The following ADARB1 variants were observed in gnomAD, a reference collection of about 807,000 sequenced individuals.
ADARB1 encodes the protein double-stranded RNA-specific editase 1.
In ADARB1, 10 loss-of-function variants were observed where a neutral mutation model predicts 52.4. That is an observed-to-expected ratio of 0.19 (90% CI 0.12 to 0.32). ADARB1 has a LOEUF of 0.32. ADARB1 is among the 10% of genes least tolerant of loss of function. The probability of loss-of-function intolerance (pLI) is 1.00; values close to 1 mark genes in which losing one functional copy is unlikely to be tolerated. For synonymous variants in ADARB1, 349 were observed against 371.1 expected (o/e 0.94, Z 0.68); for missense variants, 643 against 922.3 (o/e 0.70, Z 3.92).
intron 1 of ADARB1, among the ~76,000 whole-genome samples, chr21:45,124,032 T>C (rs1569034123): frequency 6.6e-6 from 1 of 152,242 alleles, no homozygotes; most frequent in Non-Finnish European, 1.5e-5. Flanking sequence ...GTATATTCTT[T>C]TGTGTTTCTC....
intron 1 of ADARB1, among the ~76,000 whole-genome samples, chr21:45,087,775 T>C (rs2086404692): frequency 6.6e-6 from 1 of 152,188 alleles, no homozygotes; most frequent in South Asian, 2.1e-4. Context: ...CACATCTCAC[T>C]GTAGTACAAA....
At chr21:45,217,723 T>C (rs1191396333) in intron 9 of ADARB1, among the ~76,000 whole-genome samples, 1 of 152,214 alleles carries the variant, frequency 6.6e-6, no homozygotes, top group African/African-American at 2.4e-5. Context: ...AGGACTTCCT[T>C]TTACATTCCT....
intron 1 of ADARB1, among the ~76,000 whole-genome samples, chr21:45,109,163 ATG>A (rs1366307844): frequency 6.7e-6 from 1 of 149,860 alleles, no homozygotes; most frequent in African/African-American, 2.5e-5. Flanking sequence ...GTGTGCGTAT[ATG>A]TGTGTGCGCG....
chr21:45,144,816 C>T (rs1472588908), intron 2 of ADARB1: 4 of 272,496 alleles, frequency 1.5e-5, no homozygotes, highest in African/African-American at 6.7e-5. Flanking sequence ...TAGGATACTG[C>T]TTGTCCTGTC....
intron 4 of ADARB1, among the ~76,000 whole-genome samples, chr21:45,179,749 G>A (rs1427667421): frequency 1.3e-5 from 2 of 152,126 alleles, no homozygotes; most frequent in Non-Finnish European, 2.9e-5. Context: ...TGACTGAGAA[G>A]CCTCTCGGTG....
chr21:45,134,045 T>G (rs1433564920), intron 2 of ADARB1, among the ~76,000 whole-genome samples: 4 of 83,132 alleles, frequency 4.8e-5, no homozygotes, highest in African/African-American at 9.7e-5. Context: ...GCCCGATGGG[T>G]GTGTGTGCCC....
At chr21:45,180,987 G>A (rs2091911683) in intron 5 of ADARB1, among the ~76,000 whole-genome samples, 2 of 152,200 alleles carry the variant, frequency 1.3e-5, no homozygotes, top group African/African-American at 4.8e-5. Context: ...GTGAGAACAC[G>A]CAGCAGCATC....
intron 1 of ADARB1, among the ~76,000 whole-genome samples, chr21:45,093,235 C>T (rs1009145495): frequency 6.6e-6 from 1 of 152,196 alleles, no homozygotes; most frequent in South Asian, 2.1e-4. Flanking sequence ...TGCTGGGGTG[C>T]ACTTTGGCTT....
chr21:45,093,285 G>A (rs1037772814), intron 1 of ADARB1, among the ~76,000 whole-genome samples: 2 of 152,142 alleles, frequency 1.3e-5, no homozygotes, highest in East Asian at 1.9e-4. Flanking sequence ...TAGGAGTCTC[G>A]GGTAGGAGAG....
intron 2 of ADARB1, among the ~76,000 whole-genome samples, chr21:45,159,966 A>G (rs577153148): frequency 1.3e-5 from 2 of 152,370 alleles, no homozygotes; most frequent in South Asian, 4.1e-4. Context: ...TCAAAAGTCA[A>G]CGTATTAAAG....
chr21:45,089,522 G>A (rs2086480601), intron 1 of ADARB1, among the ~76,000 whole-genome samples: 1 of 151,650 alleles, frequency 6.6e-6, no homozygotes, highest in Non-Finnish European at 1.5e-5. Context: ...TGGCTTTTGG[G>A]TTTTGAATCC....
chr21:45,203,402 A>G (rs1390389291), intron 8 of ADARB1, among the ~76,000 whole-genome samples: 1 of 152,090 alleles, frequency 6.6e-6, no homozygotes, highest in African/African-American at 2.4e-5. Flanking sequence ...TTTTACCTCA[A>G]TTTATAGTTC....
chr21:45,095,411 G>A (rs920195255), intron 1 of ADARB1, among the ~76,000 whole-genome samples: 38 of 152,340 alleles, frequency 2.5e-4, no homozygotes, highest in African/African-American at 8.9e-4. Context: ...ACCATTGCCT[G>A]GAACTCAACC....
intron 8 of ADARB1, among the ~76,000 whole-genome samples, chr21:45,195,462 TC>T (rs1285698027): frequency 8.5e-5 from 13 of 152,218 alleles, no homozygotes; most frequent in Admixed American, 3.9e-4. Flanking sequence ...TGATGTTACA[TC>T]TGAAAAGTCA....
chr21:45,205,948 G>A (rs1437909221), intron 9 of ADARB1, among the ~76,000 whole-genome samples: 1 of 152,188 alleles, frequency 6.6e-6, no homozygotes, highest in Non-Finnish European at 1.5e-5. Flanking sequence ...TTGAAAGCAT[G>A]CCTGTCAGAG....
rs2146464153 is a variant in ADARB1 at position 45,221,140 on chromosome 21, G to A, written c.1926+126G>A. ...GCACAGCTTCCGAAAACGATCACTT[G>A]GAATGATTCTTCCTTCAGATTGTTT... On this transcript the variant is annotated intron_variant, in intron 10 of 10. Transcript: ENST00000348831. The surrounding 1 kb of genome is among the most constrained non-coding windows in gnomAD (Gnocchi z 4.9). The A allele has an allele frequency of 8.7e-7, 1 of 1,148,610 alleles. No homozygotes were observed. The highest frequency in any genetic ancestry group is 2.8e-4 in the Middle Eastern group (1 of 3,550). 71.2% of individuals were successfully genotyped at this position (1,148,610 alleles called of 1,614,324 possible). A position where few individuals can be genotyped will look rare whatever the true frequency, so the allele number is the denominator to read the frequency against.
chr21:45,169,383 C>T (rs1170490306), intron 2 of ADARB1, among the ~76,000 whole-genome samples: 1 of 152,218 alleles, frequency 6.6e-6, no homozygotes, highest in Non-Finnish European at 1.5e-5. Context: ...TGCTGGGCTA[C>T]CTCTTTCCTG....
rs1601562603 is a variant in ADARB1, at chr21:45,142,269, A to T, written c.-48+13696A>T. Among the ~76,000 whole-genome samples the T allele has an allele frequency of 6.6e-6, 1 of 152,268 alleles. No individual in the cohort carries two copies. Among genetic ancestry groups the T allele is most frequent in the East Asian group, 1.9e-4 (1 of 5,184 alleles). On this transcript the variant is annotated intron_variant, in intron 2 of 10. Transcript: ENST00000348831. The surrounding 1 kb of genome is among the most constrained non-coding windows in gnomAD (Gnocchi z 4.0). ...TTCAAATCGAACACCCGCTATACTC[A>T]TTTGAGAAGTGTAGACTTTGATTTT...
chr21:45,225,480 T>C lies in ADARB1; in HGVS notation c.*3283T>C. The C allele has an allele frequency of 7.6e-7, 1 of 1,312,724 alleles. No individual in the cohort carries two copies. The highest frequency in any genetic ancestry group is 2.8e-5 in the East Asian group (1 of 35,740). The allele number at this position is 1,312,724 out of a possible 1,614,324, so 81.3% of individuals were successfully genotyped here. On this transcript the variant is annotated 3_prime_UTR_variant, in exon 11 of 11. Transcript: ENST00000348831. ...TTATTTTTATTCAAATAACCATATT[T>C]ATCTCCAGGCTGTGGAATCGCCACT...
Sources: allele counts gnomAD v4.1 joint callset (sites outside exome capture counted in the v4.1 genomes callset), GRCh38; gene constraint gnomAD v4.1.1; non-coding constraint Gnocchi (gnomAD v3.1); transcripts MANE v1.5; gene names NCBI Gene and HGNC (gene_info 2026-07-23, HGNC 2026-07-21).